Variants in P3H2 observed in about 807,000 individuals in gnomAD.
P3H2 encodes leprecan-like 1.
Under a neutral mutation model 87.0 loss-of-function variants are expected in P3H2, and 80 were observed. The observed-to-expected ratio is 0.92, with a 90% CI of 0.77 to 1.11. The LOEUF is 1.11. P3H2 is among the 50% of genes least tolerant of loss of function. P3H2 has a pLI of 0.00. For synonymous variants in P3H2, 367 were observed against 359.3 expected, an observed-to-expected ratio of 1.02 and a Z score of -0.24; for missense variants, 1,001 against 923.9, an observed-to-expected ratio of 1.08 and a Z score of -1.08.
intron 1 of P3H2, among the ~76,000 whole-genome samples, chr3:190,087,909 A>G (rs1027308042): frequency 2.0e-5 from 3 of 152,218 alleles, no homozygotes; most frequent in Admixed American, 6.5e-5. Context: ...TATATCACAC[A>G]TTAACAAATA....
chr3:190,018,655 G>C (rs1015219518), intron 1 of P3H2, among the ~76,000 whole-genome samples: 1 of 152,138 alleles, frequency 6.6e-6, no homozygotes, highest in African/African-American at 2.4e-5. Flanking sequence ...GTTGCAATGA[G>C]CTATGATTGT....
intron 1 of P3H2, among the ~76,000 whole-genome samples, chr3:190,056,666 A>G (rs1252497215): frequency 2.0e-5 from 3 of 152,200 alleles, no homozygotes; most frequent in Non-Finnish European, 4.4e-5. Flanking sequence ...CATAGAAATG[A>G]CAGAGACTTT....
At chr3:190,076,420 A>C (rs1254246788) in intron 1 of P3H2, among the ~76,000 whole-genome samples, 2 of 152,194 alleles carry the variant, frequency 1.3e-5, no homozygotes, top group Admixed American at 6.5e-5. Flanking sequence ...TCTTCAGTAC[A>C]GTGCCAGGCT....
chr3:190,071,159 T>C (rs1334227921), intron 1 of P3H2, among the ~76,000 whole-genome samples: 3 of 152,192 alleles, frequency 2.0e-5, no homozygotes, highest in East Asian at 3.8e-4. Flanking sequence ...CCCTGTGACA[T>C]TGACTTTAGC....
chr3:190,011,054 G>C (rs986575819), intron 1 of P3H2, among the ~76,000 whole-genome samples: 1 of 152,160 alleles, frequency 6.6e-6, no homozygotes, highest in African/African-American at 2.4e-5. Flanking sequence ...GGCAGATCAG[G>C]AGGTCAAGAG....
At chr3:190,037,597 T>C (rs1725464983) in intron 1 of P3H2, among the ~76,000 whole-genome samples, 1 of 152,214 alleles carries the variant, frequency 6.6e-6, no homozygotes, top group Non-Finnish European at 1.5e-5. Context: ...AGCATGACTC[T>C]CTGTTTTCTT....
At chr3:190,118,859 G>A (rs955501434) in intron 1 of P3H2, among the ~76,000 whole-genome samples, 21 of 151,472 alleles carry the variant, frequency 1.4e-4, no homozygotes, top group East Asian at 2.0e-4. Flanking sequence ...TTTGGAGGCG[G>A]AGACGGACGG....
At chr3:190,037,442 G>A (rs1666390) in intron 1 of P3H2, among the ~76,000 whole-genome samples, 122,340 of 151,982 alleles carry the variant, frequency 0.8, 49,295 homozygotes, top group East Asian at 0.86. Flanking sequence ...GGACCCTAGG[G>A]AAGAATCATT....
chr3:190,075,585 T>A (rs1366109456), intron 1 of P3H2, among the ~76,000 whole-genome samples: 1 of 151,742 alleles, frequency 6.6e-6, no homozygotes, highest in African/African-American at 2.4e-5. Flanking sequence ...AGAAGGGAAA[T>A]CTTCCTGGTA....
upstream of P3H2, chr3:190,121,039 G>C (rs989294628): frequency 1.8e-5 from 7 of 398,602 alleles, no homozygotes; most frequent in Admixed American, 4.7e-5. Context: ...TCCAGCGCCA[G>C]CCAGAGAGCT....
chr3:190,018,066 T>C (rs1724824623), intron 1 of P3H2, among the ~76,000 whole-genome samples: 1 of 152,196 alleles, frequency 6.6e-6, no homozygotes, highest in Non-Finnish European at 1.5e-5. Flanking sequence ...ATTCATCCTC[T>C]TATTATGAAA....
At chr3:189,979,842 C>A (rs960252219) in intron 8 of P3H2, among the ~76,000 whole-genome samples, 10 of 151,944 alleles carry the variant, frequency 6.6e-5, no homozygotes, top group Non-Finnish European at 1.5e-4. Context: ...GTGGCATGCA[C>A]CTGTAGTCCC....
intron 1 of P3H2, among the ~76,000 whole-genome samples, chr3:190,100,676 G>A (rs538598190): frequency 1.2e-3 from 185 of 152,104 alleles, no homozygotes; most frequent in Non-Finnish European, 2.3e-3. Flanking sequence ...TTTCCAAAAT[G>A]TTCCACCCAA....
chr3:190,099,456 T>C (rs563647695), intron 1 of P3H2, among the ~76,000 whole-genome samples: 6 of 152,360 alleles, frequency 3.9e-5, no homozygotes, highest in African/African-American at 1.2e-4. Context: ...TTTTTCTTTA[T>C]CACTAAAGCT....
intron 1 of P3H2, among the ~76,000 whole-genome samples, chr3:190,102,171 G>A (rs1004806580): frequency 2.6e-5 from 4 of 152,112 alleles, no homozygotes; most frequent in South Asian, 2.1e-4. Flanking sequence ...GATTAACGTC[G>A]TTTTCCTGCT....
intron 1 of P3H2, among the ~76,000 whole-genome samples, chr3:189,999,774 T>C (rs185958293): frequency 4.6e-5 from 7 of 152,330 alleles, no homozygotes; most frequent in Admixed American, 3.9e-4. Context: ...GAAGATGGTA[T>C]TGACGTTTAG....
intron 1 of P3H2, among the ~76,000 whole-genome samples, chr3:190,056,938 C>T (rs1726179437): frequency 6.6e-6 from 1 of 152,160 alleles, no homozygotes; most frequent in Non-Finnish European, 1.5e-5. Context: ...TCCCCCTTCA[C>T]CATAGACTAG....
At chr3:190,113,319 C>A (rs1464841555) in intron 1 of P3H2, among the ~76,000 whole-genome samples, 2 of 152,194 alleles carry the variant, frequency 1.3e-5, no homozygotes, top group African/African-American at 2.4e-5. Flanking sequence ...TTTTCATGAT[C>A]TTTGAGGGCT....
chr3:189,994,744 G>T (rs1723994987), intron 2 of P3H2, among the ~76,000 whole-genome samples: 1 of 145,866 alleles, frequency 6.9e-6, no homozygotes, highest in Admixed American at 6.9e-5. Flanking sequence ...TGAGAATGGT[G>T]ATGTCAAAAA....
Sources: gnomAD v4.1 joint callset for allele counts (sites outside exome capture counted in the v4.1 genomes callset) on GRCh38, gnomAD v4.1.1 for gene constraint, MANE v1.5 for transcripts, NCBI Gene and HGNC (gene_info 2026-07-23, HGNC 2026-07-21) for gene names.